PPFIBP2: variants seen among roughly 807,000 people sequenced by gnomAD.
PPFIBP2 encodes liprin-beta-2.
In PPFIBP2, 118 loss-of-function variants were observed where a neutral mutation model predicts 118.3. That is an observed-to-expected ratio of 1.00 (90% CI 0.86 to 1.16). The LOEUF (loss-of-function observed/expected upper bound fraction) is 1.16. Ranked by LOEUF, PPFIBP2 falls within the 50% of genes most tolerant of loss-of-function variation. The pLI is 0.00. For missense variants in PPFIBP2, 1,195 were observed against 1,073.1 expected (o/e 1.11, Z -1.59); for synonymous variants, 414 against 397.4 (o/e 1.04, Z -0.50).
the PPFIBP2 span, among the ~76,000 whole-genome samples, chr11:7,663,419 G>C: frequency 8.6e-5 from 13 of 151,852 alleles, no homozygotes; most frequent in South Asian, 2.1e-4. Context: ...GTGAGGTGTC[G>C]GTGTGCCCCT....
chr11:7,615,091 T>G (rs1187222611), intron 6 of PPFIBP2, among the ~76,000 whole-genome samples: 1 of 152,086 alleles, frequency 6.6e-6, no homozygotes, highest in East Asian at 1.9e-4. Context: ...ATCCCAGTAC[T>G]TTGGGAGGCT....
chr11:7,647,836 G>GA (rs1465967545), intron 17 of PPFIBP2, among the ~76,000 whole-genome samples: 1 of 152,136 alleles, frequency 6.6e-6, no homozygotes, highest in Non-Finnish European at 1.5e-5. Flanking sequence ...TAGTACTGAT[G>GA]AAAAATATAT....
intron 1 of PPFIBP2, among the ~76,000 whole-genome samples, chr11:7,531,152 G>A (rs916502223): frequency 3.3e-5 from 5 of 152,148 alleles, no homozygotes; most frequent in Admixed American, 1.3e-4. Context: ...TTGTGCAAGT[G>A]GGGGATTCCT....
intron 11 of PPFIBP2, among the ~76,000 whole-genome samples, chr11:7,631,568 T>C (rs1850763689): frequency 1.3e-5 from 2 of 152,160 alleles, no homozygotes; most frequent in Admixed American, 1.3e-4. Context: ...GGTCCTATTG[T>C]ATGAATCTCT....
intron 22 of PPFIBP2, chr11:7,651,227 G>C (rs1335415304): frequency 2.7e-6 from 1 of 368,432 alleles, no homozygotes; most frequent in Admixed American, 4.0e-5. Context: ...GGAGACCAAC[G>C]CTTACAAGGC....
chr11:7,537,193 T>G (rs1851305226), intron 1 of PPFIBP2, among the ~76,000 whole-genome samples: 1 of 152,200 alleles, frequency 6.6e-6, no homozygotes, highest in Admixed American at 6.5e-5. Flanking sequence ...CTTCTCAAGC[T>G]GGGGCAGCTT....
intron 6 of PPFIBP2, chr11:7,617,007 C>T (rs1431908391): frequency 5.4e-5 from 28 of 517,500 alleles, no homozygotes; most frequent in Non-Finnish European, 6.5e-5. Flanking sequence ...GCCACCTGCT[C>T]CCTGCCCCAT....
intron 1 of PPFIBP2, among the ~76,000 whole-genome samples, chr11:7,520,509 T>C (rs201998048): frequency 2.5e-3 from 371 of 148,828 alleles, no homozygotes; most frequent in East Asian, 3.9e-3. Context: ...CCATAAGATT[T>C]TTTTTTTTTT....
intron 1 of PPFIBP2, among the ~76,000 whole-genome samples, chr11:7,530,044 T>G (rs1042294043): frequency 6.6e-6 from 1 of 152,218 alleles, no homozygotes; most frequent in African/African-American, 2.4e-5. Flanking sequence ...ACATCATGGT[T>G]GTTGTTTTTT....
chr11:7,548,022 A>C (rs1222595219), intron 1 of PPFIBP2, among the ~76,000 whole-genome samples: 1 of 152,204 alleles, frequency 6.6e-6, no homozygotes, highest in Non-Finnish European at 1.5e-5. Flanking sequence ...TCACTTAAAA[A>C]AAAAGCTAAC....
downstream of PPFIBP2, among the ~76,000 whole-genome samples, chr11:7,660,937 A>G (rs1298963531): frequency 6.6e-6 from 1 of 151,812 alleles, no homozygotes; most frequent in Non-Finnish European, 1.5e-5. Flanking sequence ...ATTTGCGTAG[A>G]GGTGTTTGTA....
the PPFIBP2 span, chr11:7,666,085 G>A: frequency 6.2e-6 from 4 of 647,622 alleles, no homozygotes; most frequent in Non-Finnish European, 1.1e-5. Flanking sequence ...GGTAAGGGGT[G>A]TGGTGGCCGT....
At chr11:7,627,398 AG>A (rs1489469436) in intron 8 of PPFIBP2, among the ~76,000 whole-genome samples, 6 of 152,230 alleles carry the variant, frequency 3.9e-5, no homozygotes, top group African/African-American at 1.4e-4. Context: ...TATTCTTGTT[AG>A]ATACAACAAG....
At chr11:7,532,661 T>C (rs1232000867) in intron 1 of PPFIBP2, among the ~76,000 whole-genome samples, 1 of 152,212 alleles carries the variant, frequency 6.6e-6, no homozygotes, top group Non-Finnish European at 1.5e-5. Flanking sequence ...ACAGAGCTGC[T>C]AATACCCTCC....
the PPFIBP2 span, chr11:7,666,668 G>A: frequency 1.1e-5 from 7 of 632,976 alleles, no homozygotes; most frequent in South Asian, 2.0e-5. Context: ...TGGAGTGCTC[G>A]CTGCCAACTC....
Position 7,516,892 on chromosome 11 carries a change from G to A in PPFIBP2, c.-37+2771G>A, listed in dbSNP as rs544489164. Among the ~76,000 whole-genome samples the A allele has an allele frequency of 6.6e-5, 10 of 152,258 alleles. No individual in the cohort carries two copies. In the South Asian group the frequency reaches 8.3e-4, roughly 13 times the overall value. Reference sequence around the variant, plus strand: ...TCATCTCTTCAAGCTTTCAGACCCCGGGGAGAATCTTTCATTCCTGTCTAT... The same window carrying A: ...TCATCTCTTCAAGCTTTCAGACCCCAGGGAGAATCTTTCATTCCTGTCTAT... On this transcript the variant is annotated intron_variant, in intron 1 of 23. Coordinates refer to ENST00000299492, the MANE Select transcript of PPFIBP2 (RefSeq NM_003621.5).
chr11:7,650,788 A>G (rs953887014), intron 21 of PPFIBP2, 52 bp from the exon 22 acceptor site: 19 of 1,593,854 alleles, frequency 1.2e-5, no homozygotes, highest in African/African-American at 6.7e-5. Flanking sequence ...ACAGAGGACC[A>G]TGGTGGGACC....
At chr11:7,628,428 T>C in intron 9 of PPFIBP2, 82 bp downstream of exon 9, 1 of 1,272,334 alleles carries the variant, frequency 7.9e-7, no homozygotes, top group Non-Finnish European at 1.1e-6. Flanking sequence ...TCTGATATTC[T>C]GGACAGGACC....
At chr11:7,590,721 A>G (rs1241717000) in intron 3 of PPFIBP2, among the ~76,000 whole-genome samples, 1 of 152,232 alleles carries the variant, frequency 6.6e-6, no homozygotes, top group Non-Finnish European at 1.5e-5. Flanking sequence ...TGCCTGGACC[A>G]TATTATATTA....
Sources: gnomAD v4.1 joint callset for allele counts (sites outside exome capture counted in the v4.1 genomes callset) on GRCh38, gnomAD v4.1.1 for gene constraint, MANE v1.5 for transcripts, NCBI Gene and HGNC (gene_info 2026-07-23, HGNC 2026-07-21) for gene names.